The following TENM3 variants were observed in gnomAD, a reference collection of about 807,000 sequenced individuals.
The protein encoded by TENM3 is teneurin-3.
Under a neutral mutation model 255.1 loss-of-function variants are expected in TENM3, and 63 were observed. The ratio of observed to expected loss-of-function variants is 0.25; its 90% CI spans 0.20 to 0.30. The LOEUF (loss-of-function observed/expected upper bound fraction) is 0.30, where lower values mean the gene tolerates loss of function less well. Among genes scored for constraint, TENM3 ranks in the 10% least tolerant of loss-of-function variants. TENM3 has a pLI of 1.00. For synonymous variants in TENM3, 1,306 were observed against 1,322.3 expected, an observed-to-expected ratio of 0.99 and a Z score of 0.27; for missense variants, 2,929 against 3,461.1, an observed-to-expected ratio of 0.85 and a Z score of 3.86.
chr4:181,959,417 T>C, the TENM3 span, among the ~76,000 whole-genome samples: 1 of 152,166 alleles, frequency 6.6e-6, no homozygotes, highest in Non-Finnish European at 1.5e-5. Flanking sequence ...CAACAGGAGA[T>C]GTTCATTATG....
intron 4 of TENM3, among the ~76,000 whole-genome samples, chr4:182,612,071 C>T (rs1236202011): frequency 6.6e-6 from 1 of 151,788 alleles, no homozygotes; most frequent in Admixed American, 6.6e-5. Flanking sequence ...AGTTTGAGAC[C>T]AGCCTGGCCA....
At chr4:181,501,665 A>C in the TENM3 span, among the ~76,000 whole-genome samples, 1 of 152,186 alleles carries the variant, frequency 6.6e-6, no homozygotes, top group Non-Finnish European at 1.5e-5. Context: ...GGCGTGAGCC[A>C]ACACGCCCAG....
chr4:182,722,806 C>T (rs1434826239), intron 13 of TENM3, among the ~76,000 whole-genome samples: 1 of 152,060 alleles, frequency 6.6e-6, no homozygotes, highest in Non-Finnish European at 1.5e-5. Flanking sequence ...AAGAGAGGAC[C>T]ATGGTGGCCT....
intron 3 of TENM3, among the ~76,000 whole-genome samples, chr4:182,562,797 G>A (rs937826233): frequency 3.3e-5 from 5 of 152,090 alleles, no homozygotes; most frequent in African/African-American, 9.7e-5. Flanking sequence ...CAACAACACC[G>A]TGCCTAATTC....
intron 2 of TENM3, among the ~76,000 whole-genome samples, chr4:182,339,124 G>C (rs1764317038): frequency 6.6e-6 from 1 of 152,122 alleles, no homozygotes. Flanking sequence ...TGCTGAGAAA[G>C]CTTATTTTTG....
chr4:182,009,158 A>G, the TENM3 span, among the ~76,000 whole-genome samples: 2 of 152,078 alleles, frequency 1.3e-5, no homozygotes, highest in Non-Finnish European at 1.5e-5. Context: ...TGATGCCAGT[A>G]GGATTGCTCC....
chr4:182,112,190 T>G, the TENM3 span, among the ~76,000 whole-genome samples: 1 of 152,124 alleles, frequency 6.6e-6, no homozygotes, highest in African/African-American at 2.4e-5. Flanking sequence ...ATTTTTCTCC[T>G]TTCTTCCAAA....
intron 3 of TENM3, among the ~76,000 whole-genome samples, chr4:182,361,522 G>C (rs1765978986): frequency 1.3e-5 from 2 of 152,076 alleles, no homozygotes; most frequent in Admixed American, 1.3e-4. Context: ...CGGCTCCTGA[G>C]GCTTCTGCAT....
chr4:182,173,991 T>A (rs925641715), intron 1 of TENM3, among the ~76,000 whole-genome samples: 6 of 152,222 alleles, frequency 3.9e-5, no homozygotes, highest in African/African-American at 1.4e-4. Flanking sequence ...TATTTTGTAT[T>A]AATATGCTTT....
chr4:182,450,952 G>A (rs1773405318), intron 3 of TENM3, among the ~76,000 whole-genome samples: 1 of 152,184 alleles, frequency 6.6e-6, no homozygotes, highest in Non-Finnish European at 1.5e-5. Context: ...TTAATGACTA[G>A]TTTCTTAACC....
the TENM3 span, among the ~76,000 whole-genome samples, chr4:181,891,237 T>A: frequency 6.6e-6 from 1 of 152,186 alleles, no homozygotes; most frequent in African/African-American, 2.4e-5. Context: ...AGAAACAAAC[T>A]AAGGAGTTGG....
intron 3 of TENM3, among the ~76,000 whole-genome samples, chr4:182,507,042 A>G (rs76991994): frequency 6.6e-6 from 1 of 152,186 alleles, no homozygotes; most frequent in Non-Finnish European, 1.5e-5. Context: ...ACTGCAAAAA[A>G]GTAGAGCTCT....
the TENM3 span, among the ~76,000 whole-genome samples, chr4:181,991,728 C>G: frequency 6.6e-6 from 1 of 152,050 alleles, no homozygotes; most frequent in Admixed American, 6.6e-5. Flanking sequence ...CAAAGTTAGG[C>G]TGAGGATGAA....
At chr4:181,963,422 T>G in the TENM3 span, among the ~76,000 whole-genome samples, 1 of 152,230 alleles carries the variant, frequency 6.6e-6, no homozygotes, top group Non-Finnish European at 1.5e-5. Flanking sequence ...TATTTTCGGT[T>G]AAATTTCAAA....
chr4:182,438,559 C>G (rs1772217722), intron 3 of TENM3, among the ~76,000 whole-genome samples: 1 of 152,112 alleles, frequency 6.6e-6, no homozygotes, highest in African/African-American at 2.4e-5. Flanking sequence ...ATTCCTCATT[C>G]TAGCCATCCT....
the TENM3 span, among the ~76,000 whole-genome samples, chr4:181,800,794 T>G: frequency 6.6e-6 from 1 of 152,150 alleles, no homozygotes; most frequent in Non-Finnish European, 1.5e-5. Context: ...GTTATTTATA[T>G]TAAGCACTGA....
chr4:182,248,114 C>T (rs1757771646), intron 1 of TENM3, among the ~76,000 whole-genome samples: 1 of 152,148 alleles, frequency 6.6e-6, no homozygotes, highest in Non-Finnish European at 1.5e-5. Context: ...ATATGAAATA[C>T]ATTTCATTAT....
At chr4:181,618,653 C>G in the TENM3 span, among the ~76,000 whole-genome samples, 1,448 of 152,250 alleles carry the variant, frequency 9.5e-3, 26 homozygotes, top group African/African-American at 0.033. Context: ...AAAGGGAAAG[C>G]CTAAAACTTA....
chr4:181,676,987 A>ATG, the TENM3 span, among the ~76,000 whole-genome samples: 2 of 94,942 alleles, frequency 2.1e-5, no homozygotes, highest in African/African-American at 7.7e-5. Context: ...TCCCGATTTT[A>ATG]TCTTTTTTTT....
Sources: gnomAD v4.1 joint callset for allele counts (sites outside exome capture counted in the v4.1 genomes callset) on GRCh38, gnomAD v4.1.1 for gene constraint, MANE v1.5 for transcripts, NCBI Gene and HGNC (gene_info 2026-07-23, HGNC 2026-07-21) for gene names.